Variants in PEBP4 observed in about 807,000 individuals in gnomAD.
The protein encoded by PEBP4 is phosphatidylethanolamine binding protein 4, also known as phosphatidylethanolamine-binding protein 4.
Under a neutral mutation model 23.9 loss-of-function variants are expected in PEBP4, and 22 were observed. The ratio of observed to expected loss-of-function variants is 0.92; its 90% confidence interval spans 0.66 to 1.31. PEBP4 has a LOEUF of 1.31. Among genes scored for constraint, PEBP4 ranks in the 40% most tolerant of loss-of-function variants. The probability of loss-of-function intolerance (pLI) is 0.00; values close to 1 mark genes in which losing one functional copy is unlikely to be tolerated. For missense variants in PEBP4, 324 were observed against 281.7 expected (o/e 1.15, Z -1.07); for synonymous variants, 112 against 99.3 (o/e 1.13, Z -0.76).
intron 4 of PEBP4, among the ~76,000 whole-genome samples, chr8:22,763,772 A>T (rs1011708796): frequency 6.6e-6 from 1 of 152,152 alleles, no homozygotes; most frequent in South Asian, 2.1e-4. Context: ...CACCTCCAAG[A>T]ACTACCATGG....
intron 4 of PEBP4, among the ~76,000 whole-genome samples, chr8:22,801,606 G>C (rs563725937): frequency 6.6e-6 from 1 of 152,106 alleles, no homozygotes; most frequent in Admixed American, 6.5e-5. Flanking sequence ...GATTTTTTGG[G>C]GAGAAATGTG....
At chr8:22,822,324 T>C (rs1806875989) in intron 3 of PEBP4, among the ~76,000 whole-genome samples, 1 of 149,122 alleles carries the variant, frequency 6.7e-6, no homozygotes, top group Non-Finnish European at 1.5e-5. Context: ...GAAAAGAAAA[T>C]AGTAGGTGAA....
At chr8:22,790,912 G>T (rs1806124012) in intron 4 of PEBP4, among the ~76,000 whole-genome samples, 1 of 152,172 alleles carries the variant, frequency 6.6e-6, no homozygotes, top group East Asian at 1.9e-4. Context: ...TCTTTAGCAG[G>T]CGGCACTGGG....
chr8:22,717,841 G>T (rs772510915), intron 6 of PEBP4, among the ~76,000 whole-genome samples: 3 of 152,204 alleles, frequency 2.0e-5, no homozygotes, highest in Admixed American at 1.3e-4. Context: ...CCTAATAACC[G>T]CCCCACAGAG....
At chr8:22,760,957 T>C (rs1280826895) in intron 4 of PEBP4, among the ~76,000 whole-genome samples, 1 of 152,216 alleles carries the variant, frequency 6.6e-6, no homozygotes, top group African/African-American at 2.4e-5. Context: ...CCAGTTGCCC[T>C]GTGCATTAGT....
intron 4 of PEBP4, chr8:22,744,862 C>G (rs1176433098): frequency 6.6e-6 from 1 of 152,180 alleles, no homozygotes; most frequent in African/African-American, 2.4e-5. Flanking sequence ...ACTTAATCCT[C>G]CTTCACCAGG....
chr8:22,886,461 T>C (rs1451664208), intron 3 of PEBP4: 1 of 152,226 alleles, frequency 6.6e-6, no homozygotes, highest in African/African-American at 2.4e-5. Context: ...CTGAAAACAA[T>C]GCCTGTCTCA....
At position 22,936,787 on chromosome 8, in the gene PEBP4, G is replaced by A. The variant is rs534810744; in HGVS notation, c.145-9067C>T. On this transcript the variant is annotated intron_variant, in intron 1 of 1. Coordinates refer to the PEBP4 transcript ENST00000522278. ...AGTGAGATTTATTTCTGGAATGCAAGCATGATTCAACATATAAAAACCAAT... is the reference window on the plus strand; with the variant it reads ...AGTGAGATTTATTTCTGGAATGCAAACATGATTCAACATATAAAAACCAAT... 2.6e-5 allele frequency among the ~76,000 whole-genome samples: 4 copies of A among 152,254 alleles called. 1 individual carries two copies. Among genetic ancestry groups the A allele is most frequent in the African/African-American group, 9.6e-5 (4 of 41,562 alleles).
At chr8:22,845,803 C>G (rs1488540347) in intron 3 of PEBP4, among the ~76,000 whole-genome samples, 1 of 152,266 alleles carries the variant, frequency 6.6e-6, no homozygotes, top group African/African-American at 2.4e-5. Flanking sequence ...GTTTAGAAAT[C>G]TGTCCTCTGA....
chr8:22,909,371 T>G (rs1439124455), intron 3 of PEBP4, among the ~76,000 whole-genome samples: 2 of 152,210 alleles, frequency 1.3e-5, no homozygotes, highest in Non-Finnish European at 2.9e-5. Context: ...TGGCTTCTTC[T>G]GACTCAATGT....
intron 4 of PEBP4, among the ~76,000 whole-genome samples, chr8:22,781,355 T>G (rs1585268969): frequency 6.8e-6 from 1 of 147,172 alleles, no homozygotes; most frequent in African/African-American, 2.5e-5. Context: ...GGGCTGGGAG[T>G]GGGGAGGAGG....
intron 3 of PEBP4, among the ~76,000 whole-genome samples, chr8:22,820,413 G>A (rs1806833745): frequency 6.6e-6 from 1 of 152,184 alleles, no homozygotes; most frequent in African/African-American, 2.4e-5. Context: ...AGAGAAGGAA[G>A]TGAGAGAGGA....
At chr8:22,870,859 C>G (rs1807992948) in intron 3 of PEBP4, among the ~76,000 whole-genome samples, 1 of 152,158 alleles carries the variant, frequency 6.6e-6, no homozygotes, top group African/African-American at 2.4e-5. Flanking sequence ...TCCAGAGAAG[C>G]CCTTGGGACC....
chr8:22,919,560 A>G (rs772658783), intron 3 of PEBP4, among the ~76,000 whole-genome samples: 1 of 152,062 alleles, frequency 6.6e-6, no homozygotes, highest in Non-Finnish European at 1.5e-5. Flanking sequence ...GGCTTTCCAG[A>G]CCCCTAAATG....
upstream of PEBP4, among the ~76,000 whole-genome samples, chr8:22,932,611 CA>C (rs1435797276): frequency 1.3e-5 from 2 of 152,068 alleles, no homozygotes; most frequent in Non-Finnish European, 2.9e-5. Context: ...AAGGTTAGAG[CA>C]GCCAAGTAAA....
chr8:22,923,410 T>C (rs958042585), intron 2 of PEBP4, among the ~76,000 whole-genome samples: 2 of 151,950 alleles, frequency 1.3e-5, no homozygotes, highest in Non-Finnish European at 2.9e-5. Flanking sequence ...CTATAAAACA[T>C]AGAAAAAATT....
intron 4 of PEBP4, among the ~76,000 whole-genome samples, chr8:22,741,682 C>T (rs1804998481): frequency 6.6e-6 from 1 of 152,168 alleles, no homozygotes; most frequent in South Asian, 2.1e-4. Flanking sequence ...CTCAGCTGAG[C>T]CCCACAGGTG....
intron 3 of PEBP4, chr8:22,885,888 C>T (rs1220399914): frequency 3.3e-5 from 5 of 152,208 alleles, no homozygotes; most frequent in Admixed American, 6.5e-5. Flanking sequence ...TTATAGGCCA[C>T]CCCAAGAACC....
intron 6 of PEBP4, among the ~76,000 whole-genome samples, chr8:22,720,279 T>C (rs1439981953): frequency 6.6e-6 from 1 of 152,014 alleles, no homozygotes; most frequent in East Asian, 1.9e-4. Flanking sequence ...CAACAGCAGG[T>C]TGGGGGAAGC....
Sources: allele counts gnomAD v4.1 joint callset (sites outside exome capture counted in the v4.1 genomes callset), GRCh38; gene constraint gnomAD v4.1.1; transcripts MANE v1.5; gene names NCBI Gene and HGNC (gene_info 2026-07-23, HGNC 2026-07-21).